Variants in ACE observed in about 807,000 individuals in gnomAD.
The protein encoded by ACE is angiotensin I converting enzyme, also known as angiotensin-converting enzyme.
ACE carries 122 observed loss-of-function variants against 162.3 expected under a neutral mutation model. The observed-to-expected ratio is 0.75, with a 90% CI of 0.65 to 0.87. ACE has a LOEUF of 0.87. Among genes scored for constraint, ACE ranks in the 40% least tolerant of loss-of-function variants. ACE has a pLI of 0.00. For synonymous variants in ACE, 796 were observed against 720.6 expected (o/e 1.10, Z -1.68); for missense variants, 1,799 against 1,735.1 (o/e 1.04, Z -0.65).
Position 63,477,306 on chromosome 17 carries a change from A to G in ACE, c.212A>G (p.His71Arg). 1 of 1,425,440 alleles carries G rather than the reference A, an allele frequency of 7.0e-7. No homozygotes were observed. The highest frequency in any genetic ancestry group is 9.2e-7 in the Non-Finnish European group (1 of 1,081,990). 88.3% of individuals were successfully genotyped at this position (1,425,440 alleles called of 1,614,324 possible). ...LFQSVAASWA[H>R]DTNITAENAR... ...CAGAGCGTGGCCGCCAGCTGGGCGC[A>G]CGACACCAACATCACCGCGGAGAAT... The change falls in exon 1 of 25, where the codon CAC (histidine) becomes CGC (arginine). Residue 71 changes from histidine to arginine, a missense_variant. Coordinates refer to ENST00000290866, the MANE Select transcript of ACE (RefSeq NM_000789.4).
At chr17:63,487,270 G>A (rs987339281) in intron 15 of ACE, among the ~76,000 whole-genome samples, 197 bp downstream of exon 15, 6 of 152,030 alleles carry the variant, frequency 3.9e-5, no homozygotes, top group South Asian at 2.1e-4. Flanking sequence ...ACCATGCCCC[G>A]ATCAGCTGCC....
chr17:63,477,287 G>A lies in ACE; in HGVS notation c.193G>A (p.Val65Met), dbSNP rs776943620. 12 of 1,452,236 alleles carry A rather than the reference G, an allele frequency of 8.3e-6. 2 individuals carry two copies. The East Asian group carries it at 2.4e-4, about 29-fold the overall frequency. 90.0% of individuals were successfully genotyped at this position (1,452,236 alleles called of 1,614,324 possible). A position where few individuals can be genotyped will look rare whatever the true frequency, so the allele number is the denominator to read the frequency against. Residue 65 changes from valine to methionine, a missense_variant, in exon 1 of 25, where the codon GTG (valine) becomes ATG (methionine). Transcript: ENST00000290866. ...CGCCGAACAGGTGCTGTTCCAGAGC[G>A]TGGCCGCCAGCTGGGCGCACGACAC... ...SSAEQVLFQS[V>M]AASWAHDTNI...
In ACE at chr17:63,484,597, T is replaced by C; in HGVS notation, c.1921+56T>C. Reference sequence around the variant, plus strand: ...TAAGGTGGGTCCTCAACTCTGGGCTTGGCCCAGGCCCCAGGTTCCTGGTCA... The same window carrying C: ...TAAGGTGGGTCCTCAACTCTGGGCTCGGCCCAGGCCCCAGGTTCCTGGTCA... On this transcript the variant is annotated intron_variant, in intron 12 of 24. Transcript: ENST00000290866. The surrounding 1 kb of genome is among the most constrained non-coding windows in gnomAD (Gnocchi z 4.0). 2.6e-6 allele frequency: 4 copies of C among 1,549,102 alleles called. No homozygotes were observed. The South Asian group carries it at 4.7e-5, about 18-fold the overall frequency.
Position 63,483,567 on chromosome 17 carries a change from G to GCGGGGCCCCCCCCC in ACE, c.1586+10_1586+11insGGGGCCCCCCCCCC. On this transcript the variant is annotated intron_variant, in intron 10 of 24. Transcript: ENST00000290866. ...GTGACACCATACATCAGGTATTAGCGCCCCCACCCCACCCACCCCCAGTAC... is the reference window on the plus strand; with the variant it reads ...GTGACACCATACATCAGGTATTAGCGCGGGGCCCCCCCCCCCCCCACCCCACCCACCCCCAGTAC... 1 of 1,589,554 alleles carries GCGGGGCCCCCCCCC rather than the reference G, an allele frequency of 6.3e-7. No homozygotes were observed. Among genetic ancestry groups the GCGGGGCCCCCCCCC allele is most frequent in the Non-Finnish European group, 8.6e-7 (1 of 1,165,670 alleles).
intron 7 of ACE, among the ~76,000 whole-genome samples, chr17:63,482,071 T>C (rs1005742174): frequency 2.0e-5 from 3 of 152,008 alleles, no homozygotes; most frequent in Non-Finnish European, 4.4e-5. Context: ...TCAAGGCGGG[T>C]GGATCACCTG....
Position 63,484,534 on chromosome 17 carries a change from G to A in ACE, c.1914G>A (p.Glu638=). 1 of 1,611,264 alleles carries A rather than the reference G, an allele frequency of 6.2e-7. No homozygotes were observed. The highest frequency in any genetic ancestry group is 8.5e-7 in the Non-Finnish European group (1 of 1,179,560). The change falls in exon 12 of 25, where the codon GAG becomes GAA. Residue 638 remains glutamate, a synonymous_variant. Coordinates refer to ENST00000290866, the MANE Select transcript of ACE (RefSeq NM_000789.4). This position sits in a 1 kb window ranked among gnomAD's most constrained non-coding sequence, Gnocchi z 4.0. The part of the protein sequence containing the change: ...WHPPLPDNYP[E]GIDLVTDEAE... ...CGCCGTTGCCTGACAACTACCCGGA[G>A]GGCATAGGTAAAGCCCTGAGTGAGG...
Position 63,478,079 on chromosome 17 carries a change from C to T in ACE, c.398C>T (p.Pro133Leu). 1 of 1,590,990 alleles carries T rather than the reference C, an allele frequency of 6.3e-7. No homozygotes were observed. The highest frequency in any genetic ancestry group is 8.6e-7 in the Non-Finnish European group (1 of 1,168,894). The stretch of plus-strand genomic sequence containing the variant: ...CGCACCCTGGGCTCTGCCAACCTGC[C>T]CCTGGCTAAGCGGCAGCAGGTGGGC... ...AVRTLGSANL[P>L]LAKRQQYNAL... is the part of the protein sequence containing the mutation. Residue 133 changes from proline to leucine, a missense_variant, in exon 2 of 25, where the codon CCC becomes CTC. Coordinates refer to ENST00000290866, the MANE Select transcript of ACE (RefSeq NM_000789.4).
rs760982123 is a variant in ACE at position 63,485,058 on chromosome 17, A to G, written c.1922-178A>G. ...GCGACGGCCCACCAGACATCAGCCC[A>G]GAGCCCAAGTGGGACCATGCAGGGG... On this transcript the variant is annotated intron_variant, in intron 12 of 24. Transcript: ENST00000290866. 6 of 1,606,192 alleles carry G rather than the reference A, an allele frequency of 3.7e-6. No homozygotes were observed. The East Asian group carries it at 9.0e-5, about 24-fold the overall frequency.
chr17:63,479,050 C>T lies in ACE; in HGVS notation c.461C>T (p.Ala154Val), dbSNP rs569318874. 5 of 1,613,678 alleles carry T rather than the reference C, an allele frequency of 3.1e-6. No homozygotes were observed. The highest frequency in any genetic ancestry group is 4.5e-5 in the East Asian group (2 of 44,832). Reference sequence around the variant, plus strand: ...AACATGAGCAGGATCTACTCCACCGCCAAGGTCTGCCTCCCCAACAAGACT... The same window carrying T: ...AACATGAGCAGGATCTACTCCACCGTCAAGGTCTGCCTCCCCAACAAGACT... ...LSNMSRIYSTAKVCLPNKTAT... is the reference protein window; with the variant it reads ...LSNMSRIYSTVKVCLPNKTAT... Residue 154 changes from alanine (A) to valine (V), a missense_variant, in exon 3 of 25, where the codon GCC becomes GTC. By Grantham distance (64) the Ala-to-Val change is moderately conservative. Transcript: ENST00000290866.
rs747389681 is a variant in ACE, at chr17:63,496,873, C to T, written c.3579C>T (p.Ser1193=). 1.1e-5 allele frequency: 17 copies of T among 1,613,470 alleles called. No homozygotes were observed. Among genetic ancestry groups the T allele is most frequent in the South Asian group, 8.8e-5 (8 of 91,092 alleles). Reference sequence around the variant, plus strand: ...TGATCACGGGCCAGCCCAACATGAGCGCCTCGGCCATGTTGAGCTACTTCA... The same window carrying T: ...TGATCACGGGCCAGCCCAACATGAGTGCCTCGGCCATGTTGAGCTACTTCA... ...MQLITGQPNM[S]ASAMLSYFKP... Residue 1193 remains serine (S), a synonymous_variant, in exon 24 of 25, where the codon AGC becomes AGT. Transcript: ENST00000290866.
rs2029861666 is a variant in ACE, at chr17:63,484,101, T to G, written c.1709+130T>G. 3 of 1,434,204 alleles carry G rather than the reference T, an allele frequency of 2.1e-6. No homozygotes were observed. Among genetic ancestry groups the G allele is most frequent in the South Asian group, 1.3e-5 (1 of 76,636 alleles). The allele number at this position is 1,434,204 out of a possible 1,614,324, so 88.8% of individuals were successfully genotyped here. A position where few individuals can be genotyped will look rare whatever the true frequency, so the allele number is the denominator to read the frequency against. On this transcript the variant is annotated intron_variant, in intron 11 of 24. Coordinates refer to ENST00000290866, the MANE Select transcript of ACE (RefSeq NM_000789.4). The surrounding 1 kb of genome is among the most constrained non-coding windows in gnomAD (Gnocchi z 4.0). Reference sequence around the variant, plus strand: ...ACAGAGCTGGACTGATGTGGATGCCTGTCTCCTCGCTATGTCATCAAATAT... The same window carrying G: ...ACAGAGCTGGACTGATGTGGATGCCGGTCTCCTCGCTATGTCATCAAATAT...
intron 13 of ACE, chr17:63,486,161 T>G (rs2029921200): frequency 3.0e-6 from 1 of 329,254 alleles, no homozygotes; most frequent in Admixed American, 4.3e-5. Context: ...CACTTTGATC[T>G]GTTGCCTCAT....
chr17:63,497,065 C>A, intron 24 of ACE, 72 bp from the exon 25 acceptor site: 1 of 1,586,998 alleles, frequency 6.3e-7, no homozygotes, highest in Non-Finnish European at 8.6e-7. Context: ...GACCTCGGAG[C>A]CTGGCCCTGC....
Position 63,478,793 on chromosome 17 carries a change from C to T in ACE, c.418-214C>T. The stretch of plus-strand genomic sequence containing the variant: ...ACCCTGACCCTGACTTTCAGGACTC[C>T]TGTCCCCCACTCCACAGGCTGCCTC... On this transcript the variant is annotated intron_variant, in intron 2 of 24. Coordinates refer to ENST00000290866, the MANE Select transcript of ACE (RefSeq NM_000789.4). 3 of 621,082 alleles carry T rather than the reference C, an allele frequency of 4.8e-6. No individual in the cohort carries two copies. The East Asian group carries it at 8.6e-5, about 18-fold the overall frequency. The allele number at this position is 621,082 out of a possible 1,614,324, so 38.5% of individuals were successfully genotyped here.
At chr17:63,479,621 C>T in intron 3 of ACE, 148 bp from the exon 4 acceptor site, 1 of 1,059,468 alleles carries the variant, frequency 9.4e-7, no homozygotes, top group East Asian at 2.5e-5. Context: ...CCCCTCCCAC[C>T]AGGCCTGTAG....
chr17:63,494,295 C>T, intron 21 of ACE, 77 bp from the exon 22 acceptor site: 3 of 1,418,736 alleles, frequency 2.1e-6, no homozygotes, highest in South Asian at 2.4e-5. Flanking sequence ...TGCAGGGACC[C>T]TCCCTCAAGT....
chr17:63,484,835 A>C lies in ACE; in HGVS notation c.1921+294A>C, dbSNP rs1036598306. 1.0e-5 allele frequency: 16 copies of C among 1,542,450 alleles called. No homozygotes were observed. The highest frequency in any genetic ancestry group is 1.4e-5 in the African/African-American group (1 of 73,216). ...GGGCTCCGCTCTTATTGGCCAGGGGACGGTAGCTGCAGGACTCTGCTCTCC... is the reference window on the plus strand; with the variant it reads ...GGGCTCCGCTCTTATTGGCCAGGGGCCGGTAGCTGCAGGACTCTGCTCTCC... On this transcript the variant is annotated intron_variant, in intron 12 of 24. Transcript: ENST00000290866. The surrounding 1 kb of genome is among the most constrained non-coding windows in gnomAD (Gnocchi z 4.0).
Position 63,493,647 on chromosome 17 carries a change from G to A in ACE, c.3124G>A (p.Gly1042Ser). 6.2e-7 allele frequency: 1 copy of A among 1,614,124 alleles called. No individual in the cohort carries two copies. The highest frequency in any genetic ancestry group is 8.5e-7 in the Non-Finnish European group (1 of 1,180,022). ...LHSLNLLSSEGGSDEHDINFL... is the reference protein window; with the variant it reads ...LHSLNLLSSESGSDEHDINFL... ...CAGTCTCAACCTGCTGAGCAGTGAG[G>A]GTGGCAGCGACGGTGAGAGAGAAGC... is the stretch of plus-strand genomic sequence containing the variant. Residue 1042 changes from glycine (G) to serine (S), a missense_variant, in exon 20 of 25, where the codon GGT (glycine) becomes AGT (serine). By Grantham distance (56) the Gly-to-Ser change is moderately conservative. Coordinates refer to ENST00000290866, the MANE Select transcript of ACE (RefSeq NM_000789.4).
intron 15 of ACE, among the ~76,000 whole-genome samples, chr17:63,487,806 T>C (rs1000066436): frequency 6.6e-5 from 10 of 152,278 alleles, no homozygotes; most frequent in Admixed American, 3.9e-4. Context: ...GAAATGGGTC[T>C]TTCTGGCCCC....
Sources: allele counts gnomAD v4.1 joint callset (sites outside exome capture counted in the v4.1 genomes callset), GRCh38; gene constraint gnomAD v4.1.1; non-coding constraint Gnocchi (gnomAD v3.1); transcripts MANE v1.5; gene names NCBI Gene and HGNC (gene_info 2026-07-23, HGNC 2026-07-21).